Variants in UBAP1 observed in about 807,000 individuals in gnomAD.
The protein encoded by UBAP1 is ubiquitin associated protein 1.
A neutral mutation model predicts 39.0 loss-of-function variants in UBAP1; 5 were observed. The observed-to-expected ratio is 0.13, with a 90% CI of 0.07 to 0.27. The LOEUF is 0.27. Ranked by LOEUF, UBAP1 falls within the 10% of genes least tolerant of loss-of-function variation. UBAP1 has a pLI of 1.00. For missense variants in UBAP1, 490 were observed against 608.1 expected, an observed-to-expected ratio of 0.81 and a Z score of 2.04; for synonymous variants, 211 against 225.1, an observed-to-expected ratio of 0.94 and a Z score of 0.56.
intron 1 of UBAP1, among the ~76,000 whole-genome samples, 174 bp from the exon 2 acceptor site, chr9:34,220,734 A>T (rs1430108944): frequency 6.6e-6 from 1 of 152,068 alleles, no homozygotes; most frequent in Non-Finnish European, 1.5e-5. Context: ...AAGCACTGGG[A>T]TTACAGGCAT....
intron 4 of UBAP1, among the ~76,000 whole-genome samples, chr9:34,244,042 G>A (rs548181584): frequency 1.6e-4 from 25 of 151,870 alleles, no homozygotes; most frequent in African/African-American, 5.3e-4. Context: ...TAGAGACGGG[G>A]TTTCACCATC....
chr9:34,246,070 A>G (rs577141107), intron 4 of UBAP1, among the ~76,000 whole-genome samples: 1 of 152,246 alleles, frequency 6.6e-6, no homozygotes, highest in Admixed American at 6.5e-5. Flanking sequence ...AGATGAATAC[A>G]GTTTTAATTC....
chr9:34,237,558 T>A (rs527274180), intron 3 of UBAP1, among the ~76,000 whole-genome samples: 26 of 151,770 alleles, frequency 1.7e-4, no homozygotes, highest in African/African-American at 3.6e-4. Flanking sequence ...TACCTTTTTT[T>A]AAAAAAAAAC....
intron 1 of UBAP1, among the ~76,000 whole-genome samples, chr9:34,198,914 G>A (rs1324624592): frequency 1.3e-5 from 2 of 152,140 alleles, no homozygotes; most frequent in East Asian, 1.9e-4. Context: ...CGTCTAATGG[G>A]GCTTTTGGTA....
intron 2 of UBAP1, chr9:34,223,979 A>T (rs1429585979): frequency 2.2e-5 from 9 of 413,304 alleles, no homozygotes; most frequent in Non-Finnish European, 3.6e-5. Flanking sequence ...AGACAAAACG[A>T]GGATTTATTT....
intron 1 of UBAP1, 91 bp downstream of exon 1, chr9:34,179,331 G>A (rs1382365161): frequency 2.2e-6 from 2 of 895,754 alleles, no homozygotes; most frequent in East Asian, 3.5e-5. Flanking sequence ...GGGATGGGGG[G>A]CCGAGCGAGG....
intron 1 of UBAP1, among the ~76,000 whole-genome samples, chr9:34,214,707 CCA>C (rs1832201190): frequency 1.3e-5 from 2 of 152,128 alleles, no homozygotes; most frequent in South Asian, 4.1e-4. Flanking sequence ...AACAGACAAC[CCA>C]CAGAGTGGGA....
chr9:34,216,720 C>T (rs1481183201), intron 1 of UBAP1, among the ~76,000 whole-genome samples: 1 of 135,544 alleles, frequency 7.4e-6, no homozygotes, highest in East Asian at 2.4e-4. Context: ...AATCATGGCT[C>T]ACGGCAACCT....
chr9:34,189,261 T>G (rs1049849183), intron 1 of UBAP1, among the ~76,000 whole-genome samples: 4 of 151,682 alleles, frequency 2.6e-5, no homozygotes, highest in African/African-American at 9.7e-5. Flanking sequence ...CGATCTTGAC[T>G]CATTGCAACC....
At chr9:34,233,147 G>T (rs1196652280) in intron 2 of UBAP1, among the ~76,000 whole-genome samples, 1 of 151,836 alleles carries the variant, frequency 6.6e-6, no homozygotes. Context: ...CCCTTTTCAT[G>T]TAAGTGTTGT....
In UBAP1 at chr9:34,241,452, A is replaced by G; in HGVS notation, c.427A>G (p.Lys143Glu). 1.2e-6 allele frequency: 2 copies of G among 1,609,098 alleles called. No individual in the cohort carries two copies. The highest frequency in any genetic ancestry group is 1.3e-5 in the African/African-American group (1 of 74,884). Residue 143 changes from lysine (K) to glutamate (E), a missense_variant, in exon 4 of 7, where the codon AAA becomes GAA. Transcript: ENST00000297661. ...GGTCAGCAGTAGTGCCACGAAACAG[A>G]AAGTTCTCAGCCCACCTCACATAAA... The part of the protein sequence containing the change: ...TRVSSSATKQ[K>E]VLSPPHIKAD...
At chr9:34,197,273 A>G (rs1460162731) in intron 1 of UBAP1, among the ~76,000 whole-genome samples, 1 of 150,420 alleles carries the variant, frequency 6.6e-6, no homozygotes, top group Admixed American at 6.6e-5. Context: ...TAATAGGATT[A>G]TTTATTTATT....
intron 1 of UBAP1, among the ~76,000 whole-genome samples, chr9:34,188,800 T>C (rs1054518342): frequency 4.6e-5 from 7 of 151,726 alleles, no homozygotes; most frequent in African/African-American, 1.7e-4. Flanking sequence ...CTCCTAAAAA[T>C]AGAAAAATTA....
At chr9:34,229,491 C>T (rs1217071068) in intron 2 of UBAP1, among the ~76,000 whole-genome samples, 1 of 151,176 alleles carries the variant, frequency 6.6e-6, no homozygotes, top group Admixed American at 6.6e-5. Context: ...CTCCTGACCT[C>T]GTGATCCTCC....
At chr9:34,249,007 A>T (rs914025522) in intron 4 of UBAP1, among the ~76,000 whole-genome samples, 3 of 151,798 alleles carry the variant, frequency 2.0e-5, no homozygotes, top group Admixed American at 6.6e-5. Flanking sequence ...TAATCACGGC[A>T]CTCTGTACGC....
At chr9:34,251,317 A>C in intron 6 of UBAP1, 75 bp from the exon 7 acceptor site, 5 of 1,459,864 alleles carry the variant, frequency 3.4e-6, no homozygotes, top group East Asian at 2.3e-5. Flanking sequence ...TCCCCGTCCC[A>C]CACACACACT....
rs563431040 is a variant in UBAP1, at chr9:34,181,422, A to C, written c.-8+2182A>C. 2.2e-3 allele frequency among the ~76,000 whole-genome samples: 178 copies of C among 81,708 alleles called. 4 individuals are homozygous for C. Among genetic ancestry groups the C allele is most frequent in the Non-Finnish European group, 3.5e-3 (132 of 38,032 alleles). 53.6% of individuals were successfully genotyped at this position (81,708 alleles called of 152,430 possible). ...TGAGCCACCGCGCCCGGCCTTTTTT[A>C]TTTTTATTTGTATTTTATTTTATTT... On this transcript the variant is annotated intron_variant, in intron 1 of 6. Coordinates refer to ENST00000297661, the MANE Select transcript of UBAP1 (RefSeq NM_016525.5).
intron 6 of UBAP1, among the ~76,000 whole-genome samples, chr9:34,251,050 T>C (rs890472366): frequency 6.6e-6 from 1 of 152,200 alleles, no homozygotes; most frequent in African/African-American, 2.4e-5. Flanking sequence ...GCTGGACTTT[T>C]TGCCTAGACT....
intron 1 of UBAP1, among the ~76,000 whole-genome samples, chr9:34,199,562 T>G (rs1288856890): frequency 6.6e-6 from 1 of 152,120 alleles, no homozygotes; most frequent in Non-Finnish European, 1.5e-5. Flanking sequence ...AAAACCTACC[T>G]TGGTACGTTA....
Sources: allele counts gnomAD v4.1 joint callset (sites outside exome capture counted in the v4.1 genomes callset), GRCh38; gene constraint gnomAD v4.1.1; transcripts MANE v1.5; gene names NCBI Gene and HGNC (gene_info 2026-07-23, HGNC 2026-07-21).